The following ASIC2 variants were observed in gnomAD, a reference collection of about 807,000 sequenced individuals.
The protein encoded by ASIC2 is acid sensing ion channel subunit 2.
Under a neutral mutation model 57.3 loss-of-function variants are expected in ASIC2, and 25 were observed. The observed-to-expected ratio is 0.44, with a 90% CI of 0.32 to 0.61. ASIC2 has a LOEUF of 0.61. Ranked by LOEUF, ASIC2 falls within the 20% of genes least tolerant of loss-of-function variation. The pLI, the probability that ASIC2 is intolerant of heterozygous loss-of-function variation, is 0.06. For missense variants in ASIC2, 641 were observed against 738.1 expected, an observed-to-expected ratio of 0.87 and a Z score of 1.52; for synonymous variants, 319 against 307.5, an observed-to-expected ratio of 1.04 and a Z score of -0.39.
intron 1 of ASIC2, among the ~76,000 whole-genome samples, chr17:33,692,877 A>G (rs1388273803): frequency 6.6e-6 from 1 of 152,206 alleles, no homozygotes; most frequent in Non-Finnish European, 1.5e-5. Flanking sequence ...TATATTGTCC[A>G]TTGTTGACCT....
At chr17:34,091,810 T>A (rs1910341606) in intron 1 of ASIC2, among the ~76,000 whole-genome samples, 1 of 152,214 alleles carries the variant, frequency 6.6e-6, no homozygotes. Context: ...AAAGAGTATG[T>A]ACAGGCTTTG....
chr17:33,189,850 T>G (rs1415144293), intron 1 of ASIC2, among the ~76,000 whole-genome samples: 2 of 152,196 alleles, frequency 1.3e-5, no homozygotes, highest in Admixed American at 1.3e-4. Context: ...ACAGTTATAG[T>G]TGGGGACACC....
At chr17:33,263,937 A>G (rs772233425) in intron 1 of ASIC2, among the ~76,000 whole-genome samples, 4 of 150,084 alleles carry the variant, frequency 2.7e-5, no homozygotes, top group Non-Finnish European at 4.4e-5. Flanking sequence ...GAGCCTGGGA[A>G]TAGATGAGTG....
intron 1 of ASIC2, among the ~76,000 whole-genome samples, chr17:33,967,016 C>G (rs1263254995): frequency 6.6e-6 from 1 of 152,120 alleles, no homozygotes; most frequent in Admixed American, 6.5e-5. Flanking sequence ...ACCTCACACT[C>G]TATGTCGCCA....
chr17:33,458,926 C>A (rs1037165375), intron 1 of ASIC2, among the ~76,000 whole-genome samples: 2 of 152,082 alleles, frequency 1.3e-5, no homozygotes, highest in African/African-American at 4.8e-5. Flanking sequence ...GGGTTTCTGT[C>A]CGACTGAACC....
At chr17:34,016,658 A>G (rs1189738796) in intron 1 of ASIC2, among the ~76,000 whole-genome samples, 1 of 151,954 alleles carries the variant, frequency 6.6e-6, no homozygotes, top group Non-Finnish European at 1.5e-5. Context: ...GTGTGTGTGT[A>G]ACCTATCTTT....
At chr17:33,607,329 T>G (rs1022058662) in intron 1 of ASIC2, among the ~76,000 whole-genome samples, 1 of 151,972 alleles carries the variant, frequency 6.6e-6, no homozygotes, top group Non-Finnish European at 1.5e-5. Context: ...CCTGAGGGTG[T>G]AAGGCAGGGA....
At chr17:33,175,620 C>T (rs1312296060) in intron 1 of ASIC2, among the ~76,000 whole-genome samples, 6 of 152,248 alleles carry the variant, frequency 3.9e-5, no homozygotes, top group South Asian at 2.1e-4. Flanking sequence ...CGATGAACCT[C>T]TCTACTATTA....
intron 1 of ASIC2, among the ~76,000 whole-genome samples, chr17:33,410,097 T>C (rs73983489): frequency 0.021 from 3,173 of 152,228 alleles, 119 homozygotes; most frequent in African/African-American, 0.071. Context: ...GCTTCAAAGA[T>C]GATGATGTGA....
chr17:33,908,888 T>A (rs1055321044), intron 1 of ASIC2, among the ~76,000 whole-genome samples: 3 of 152,224 alleles, frequency 2.0e-5, no homozygotes, highest in African/African-American at 7.2e-5. Context: ...CCTGGTGAAC[T>A]GGTCCAGGTC....
chr17:33,378,007 G>A (rs1017166440), intron 1 of ASIC2, among the ~76,000 whole-genome samples: 2 of 152,174 alleles, frequency 1.3e-5, no homozygotes, highest in Non-Finnish European at 2.9e-5. Flanking sequence ...TTCTCACCAC[G>A]ACTGCTCAGC....
At chr17:33,345,972 A>C (rs1410757127) in intron 1 of ASIC2, among the ~76,000 whole-genome samples, 1 of 152,082 alleles carries the variant, frequency 6.6e-6, no homozygotes, top group Non-Finnish European at 1.5e-5. Context: ...AACACCTGTA[A>C]TCCCAGCACT....
chr17:33,820,824 G>C lies in ASIC2; in HGVS notation c.555+335154C>G, dbSNP rs377499910. ...TCCAAGTAGCTGGGACTACTGGTGC[G>C]TGTCATCATGCCCGGCTCACTTATT... On this transcript the variant is annotated intron_variant, in intron 1 of 9. Transcript: ENST00000359872. Among the ~76,000 whole-genome samples, 6 of 152,252 alleles carry C rather than the reference G, an allele frequency of 3.9e-5. No homozygotes were observed. The South Asian group carries it at 8.3e-4, about 21-fold the overall frequency.
chr17:33,710,818 G>C (rs533861091), intron 1 of ASIC2, among the ~76,000 whole-genome samples: 50 of 152,260 alleles, frequency 3.3e-4, no homozygotes, highest in Middle Eastern at 6.8e-3. Context: ...ATGTTATAAG[G>C]CTTTTTCCCG....
chr17:34,056,916 C>A (rs1440596798), intron 1 of ASIC2, among the ~76,000 whole-genome samples: 5 of 152,136 alleles, frequency 3.3e-5, no homozygotes, highest in African/African-American at 1.2e-4. Context: ...GGATTTCAAA[C>A]TTTTAAATAC....
chr17:33,054,643 G>T (rs1219273688), intron 3 of ASIC2, among the ~76,000 whole-genome samples: 1 of 152,194 alleles, frequency 6.6e-6, no homozygotes, highest in African/African-American at 2.4e-5. Flanking sequence ...TTATGGTGCA[G>T]GTTTAGCAAA....
At chr17:33,230,933 T>G (rs144670096) in intron 1 of ASIC2, among the ~76,000 whole-genome samples, 1 of 152,184 alleles carries the variant, frequency 6.6e-6, no homozygotes, top group African/African-American at 2.4e-5. Context: ...ATTTAAAAAT[T>G]ATTGATTTGT....
At chr17:33,343,044 A>G (rs997228795) in intron 1 of ASIC2, among the ~76,000 whole-genome samples, 4 of 152,210 alleles carry the variant, frequency 2.6e-5, no homozygotes, top group African/African-American at 9.6e-5. Flanking sequence ...AACAGGTCTG[A>G]AGGATAAGAG....
chr17:33,422,462 C>T (rs1911078599), intron 1 of ASIC2, among the ~76,000 whole-genome samples: 1 of 152,122 alleles, frequency 6.6e-6, no homozygotes, highest in Non-Finnish European at 1.5e-5. Context: ...TTTAGCTGAG[C>T]CCCTAAGGGA....
Sources: allele counts gnomAD v4.1 joint callset (sites outside exome capture counted in the v4.1 genomes callset), GRCh38; gene constraint gnomAD v4.1.1; transcripts MANE v1.5; gene names NCBI Gene and HGNC (gene_info 2026-07-23, HGNC 2026-07-21).